RB1CC1: variants seen among roughly 807,000 people sequenced by gnomAD.
The protein encoded by RB1CC1 is RB1-inducible coiled-coil protein 1.
Under a neutral mutation model 177.5 loss-of-function variants are expected in RB1CC1, and 46 were observed. The ratio of observed to expected loss-of-function variants is 0.26; its 90% CI spans 0.20 to 0.33. The LOEUF is 0.33. RB1CC1 is among the 10% of genes least tolerant of loss of function. The pLI, the probability that RB1CC1 is intolerant of heterozygous loss-of-function variation, is 1.00. For missense variants in RB1CC1, 1,703 were observed against 1,816.3 expected, an observed-to-expected ratio of 0.94 and a Z score of 1.13; for synonymous variants, 666 against 613.6, an observed-to-expected ratio of 1.09 and a Z score of -1.26.
At position 52,674,173 on chromosome 8, in the gene RB1CC1, T is replaced by A. The variant is rs761044878; in HGVS notation, c.674A>T (p.Glu225Val). 6.2e-7 allele frequency: 1 copy of A among 1,613,432 alleles called. No homozygotes were observed. Among genetic ancestry groups the A allele is most frequent in the South Asian group, 1.1e-5 (1 of 91,064 alleles). ...CTCAGCTTTTTCTGAGTCTTCATGTTCAGGTAAAGAATCCAGTCTTCCCAA... is the reference window on the plus strand; with the variant it reads ...CTCAGCTTTTTCTGAGTCTTCATGTACAGGTAAAGAATCCAGTCTTCCCAA... ...ECLGRLDSLP[E>V]HEDSEKAEMK... Residue 225 changes from glutamate to valine, a missense_variant, in exon 7 of 24, where the codon GAA becomes GTA. By Grantham distance (121) the Glu-to-Val change is moderately radical. This residue lies in a region of RB1CC1 where 315 missense variants were observed against 304.9 expected (regional missense o/e 1.03). Coordinates refer to ENST00000025008, the MANE Select transcript of RB1CC1 (RefSeq NM_014781.5).
chr8:52,645,707 G>T lies in RB1CC1; in HGVS notation c.3982C>A (p.Gln1328Lys). The T allele has an allele frequency of 1.2e-6, 2 of 1,612,062 alleles. No homozygotes were observed. The highest frequency in any genetic ancestry group is 1.7e-6 in the Non-Finnish European group (2 of 1,179,192). Residue 1328 changes from glutamine (Q) to lysine (K), a missense_variant, in exon 16 of 24, where the codon CAA becomes AAA. This residue lies in a region of RB1CC1 where 1,169 missense variants were observed against 1,184.7 expected (regional missense o/e 0.99). Transcript: ENST00000025008. ...QNVRTSLIAE[Q>K]QTNFNTVLTR... Reference sequence around the variant, plus strand: ...ATGGGAAAAGAGATACAGACCTGTTGTTCCGCAATCAAAGATGTTCGAACA... The same window carrying T: ...ATGGGAAAAGAGATACAGACCTGTTTTTCCGCAATCAAAGATGTTCGAACA...
intron 1 of RB1CC1, among the ~76,000 whole-genome samples, chr8:52,703,876 G>T (rs1001400043): frequency 6.6e-6 from 1 of 150,854 alleles, no homozygotes; most frequent in Admixed American, 6.6e-5. Flanking sequence ...TAAGGACTAC[G>T]GCAACCAAAA....
At chr8:52,640,902 A>C (rs1849516267) in intron 18 of RB1CC1, among the ~76,000 whole-genome samples, 1 of 152,132 alleles carries the variant, frequency 6.6e-6, no homozygotes, top group South Asian at 2.1e-4. Context: ...AACCTAAGTA[A>C]TTTTATTTTT....
chr8:52,667,488 A>G lies in RB1CC1; in HGVS notation c.1173+533T>C, dbSNP rs182699531. On this transcript the variant is annotated intron_variant, in intron 8 of 23. Coordinates refer to ENST00000025008, the MANE Select transcript of RB1CC1 (RefSeq NM_014781.5). ...CATGGTGGGTGAAGGACAGGCAATC[A>G]TGAATTTAAGAGAGGCACTGGTTTG... 3.2e-3 allele frequency among the ~76,000 whole-genome samples: 485 copies of G among 152,324 alleles called. 2 individuals are homozygous for G. Among genetic ancestry groups the G allele is most frequent in the African/African-American group, 0.011 (448 of 41,580 alleles).
intron 18 of RB1CC1, among the ~76,000 whole-genome samples, chr8:52,639,107 T>C (rs559664420): frequency 6.6e-6 from 1 of 151,928 alleles, no homozygotes; most frequent in Non-Finnish European, 1.5e-5. Flanking sequence ...TAACCTAACA[T>C]ATTGTTAGAA....
In RB1CC1 at chr8:52,656,102, G is replaced by T. The variant is rs1217984714; in HGVS notation, c.3727C>A (p.Gln1243Lys). ...KLNCEKDEAI[Q>K]TALKEFKLER... ...AATTTAAATTCTTTTAGGGCAGTCT[G>T]AATAGCTTCATCTTTTTCACAATTA... Residue 1243 changes from glutamine (Q) to lysine (K), a missense_variant, in exon 15 of 24, where the codon CAG (glutamine) becomes AAG (lysine). Gln to Lys is a moderately conservative substitution (Grantham distance 53). This residue lies in a region of RB1CC1 where 1,169 missense variants were observed against 1,184.7 expected (regional missense o/e 0.99). Coordinates refer to ENST00000025008, the MANE Select transcript of RB1CC1 (RefSeq NM_014781.5). 24 of 1,613,472 alleles carry T rather than the reference G, an allele frequency of 1.5e-5. No individual in the cohort carries two copies. Among genetic ancestry groups the T allele is most frequent in the Non-Finnish European group, 2.0e-5 (24 of 1,179,814 alleles).
chr8:52,663,132 C>T (rs553647595), intron 8 of RB1CC1, among the ~76,000 whole-genome samples: 1 of 152,170 alleles, frequency 6.6e-6, no homozygotes, highest in Admixed American at 6.5e-5. Flanking sequence ...TAATTCATTA[C>T]TAATATTTTT....
intron 15 of RB1CC1, among the ~76,000 whole-genome samples, chr8:52,651,411 G>A (rs1156916428): frequency 2.0e-5 from 3 of 152,222 alleles, no homozygotes; most frequent in Non-Finnish European, 2.9e-5. Context: ...AGTTTGGATA[G>A]AGGCCATTTG....
At chr8:52,675,984 C>G (rs750243204) in intron 6 of RB1CC1, among the ~76,000 whole-genome samples, 3 of 151,362 alleles carry the variant, frequency 2.0e-5, no homozygotes, top group South Asian at 2.1e-4. Flanking sequence ...TTACAAAGAA[C>G]TTAAAATTTT....
chr8:52,647,164 C>T (rs1850123942), intron 15 of RB1CC1, among the ~76,000 whole-genome samples: 1 of 152,156 alleles, frequency 6.6e-6, no homozygotes. Context: ...TTTATTCATG[C>T]TTCCAAATTT....
chr8:52,677,694 G>A (rs990230753), intron 5 of RB1CC1, among the ~76,000 whole-genome samples: 3 of 152,134 alleles, frequency 2.0e-5, no homozygotes, highest in African/African-American at 7.2e-5. Context: ...AAGTAAATAA[G>A]TAAGATGGTC....
chr8:52,666,629 G>A (rs1852094157), intron 8 of RB1CC1, among the ~76,000 whole-genome samples: 1 of 152,118 alleles, frequency 6.6e-6, no homozygotes. Flanking sequence ...TGTGCTTAAT[G>A]TGATCAAAGA....
chr8:52,650,824 T>C (rs531567891), intron 15 of RB1CC1, among the ~76,000 whole-genome samples: 1 of 152,292 alleles, frequency 6.6e-6, no homozygotes, highest in African/African-American at 2.4e-5. Context: ...CTTTGAGACA[T>C]GTCCCAGCTG....
intron 1 of RB1CC1, among the ~76,000 whole-genome samples, chr8:52,693,337 C>T (rs1855080678): frequency 6.6e-6 from 1 of 152,096 alleles, no homozygotes; most frequent in Admixed American, 6.5e-5. Context: ...GAACAGACAA[C>T]CTACGGGATG....
chr8:52,673,292 G>C (rs181649843), intron 7 of RB1CC1, among the ~76,000 whole-genome samples: 1 of 152,268 alleles, frequency 6.6e-6, no homozygotes, highest in East Asian at 1.9e-4. Context: ...AGATATGAAG[G>C]GGTATTTATT....
intron 15 of RB1CC1, among the ~76,000 whole-genome samples, chr8:52,653,978 A>G (rs1850861608): frequency 6.6e-6 from 1 of 152,184 alleles, no homozygotes; most frequent in South Asian, 2.1e-4. Flanking sequence ...CTATTATGGT[A>G]GAAAAGGCCA....
chr8:52,667,284 T>C (rs1351867875), intron 8 of RB1CC1, among the ~76,000 whole-genome samples: 1 of 152,174 alleles, frequency 6.6e-6, no homozygotes, highest in Admixed American at 6.5e-5. Flanking sequence ...ACGAAGTATG[T>C]TTTGCCTTAA....
intron 7 of RB1CC1, 83 bp downstream of exon 7, chr8:52,673,761 CA>C: frequency 8.0e-7 from 1 of 1,255,284 alleles, no homozygotes; most frequent in South Asian, 1.7e-5. Flanking sequence ...AGGTAATACC[CA>C]TTCTCTCAGT....
At chr8:52,675,727 A>T (rs1437098451) in intron 6 of RB1CC1, among the ~76,000 whole-genome samples, 4 of 149,724 alleles carry the variant, frequency 2.7e-5, no homozygotes, top group Non-Finnish European at 3.0e-5. Flanking sequence ...AAAAAAAAAA[A>T]AAAAAAAAAA....
Sources: allele counts gnomAD v4.1 joint callset (sites outside exome capture counted in the v4.1 genomes callset), GRCh38; gene constraint gnomAD v4.1.1; regional missense constraint gnomAD v4.1.1; transcripts MANE v1.5; gene names NCBI Gene and HGNC (gene_info 2026-07-23, HGNC 2026-07-21).